The following OTOG variants were observed in gnomAD, a reference collection of about 807,000 sequenced individuals.
OTOG encodes otogelin.
Under a neutral mutation model 313.8 loss-of-function variants are expected in OTOG, and 296 were observed. The observed-to-expected ratio is 0.94, with a 90% CI of 0.86 to 1.04. The LOEUF is 1.04. Among genes scored for constraint, OTOG ranks in the 50% least tolerant of loss-of-function variants. The probability of loss-of-function intolerance (pLI) is 0.00; values close to 1 mark genes in which losing one functional copy is unlikely to be tolerated. For synonymous variants in OTOG, 1,533 were observed against 1,554.9 expected (o/e 0.99, Z 0.33); for missense variants, 3,948 against 3,840.1 (o/e 1.03, Z -0.74).
chr11:17,563,106 TG>T (rs1489743836), intron 15 of OTOG, among the ~76,000 whole-genome samples: 2 of 152,194 alleles, frequency 1.3e-5, no homozygotes, highest in African/African-American at 4.8e-5. Flanking sequence ...CCTTGAACTG[TG>T]TCAATCACCT....
At chr11:17,571,373 G>A (rs1218374762) in intron 17 of OTOG, among the ~76,000 whole-genome samples, 3 of 152,170 alleles carry the variant, frequency 2.0e-5, no homozygotes, top group Admixed American at 2.0e-4. Context: ...GTTGGGCATG[G>A]TGGGTGCCAG....
intron 39 of OTOG, among the ~76,000 whole-genome samples, chr11:17,621,463 G>A (rs755420899): frequency 1.3e-5 from 2 of 152,066 alleles, no homozygotes; most frequent in African/African-American, 2.4e-5. Context: ...GGATTTTTCT[G>A]TCTGTTTCTC....
At chr11:17,628,351 A>G (rs1165112084) in intron 39 of OTOG, among the ~76,000 whole-genome samples, 2 of 152,120 alleles carry the variant, frequency 1.3e-5, no homozygotes, top group Non-Finnish European at 2.9e-5. Flanking sequence ...AAAACAGTCT[A>G]ATCTTGAAGG....
At chr11:17,557,018 G>A (rs1379388341) in intron 7 of OTOG, 100 bp from the exon 8 acceptor site, 4 of 1,116,470 alleles carry the variant, frequency 3.6e-6, no homozygotes, top group African/African-American at 1.6e-5. Context: ...GGAAGTGGGG[G>A]CCTTGGATCA....
At chr11:17,587,270 CG>C (rs1428409971) in intron 24 of OTOG, among the ~76,000 whole-genome samples, 2 of 152,148 alleles carry the variant, frequency 1.3e-5, no homozygotes, top group Admixed American at 1.3e-4. Context: ...GAAACAGACT[CG>C]GGGTTAGTTC....
chr11:17,571,953 A>G, intron 17 of OTOG, 127 bp from the exon 18 acceptor site: 1 of 1,266,238 alleles, frequency 7.9e-7, no homozygotes, highest in Non-Finnish European at 1.1e-6. Context: ...GAGTGTGTGT[A>G]TATGGATGTG....
At chr11:17,549,459 C>G (rs971918600) in intron 3 of OTOG, among the ~76,000 whole-genome samples, 8 of 152,192 alleles carry the variant, frequency 5.3e-5, no homozygotes, top group African/African-American at 1.9e-4. Flanking sequence ...TCTTCTTTGC[C>G]CACACTTCCA....
rs1422479015 is a variant in OTOG, at chr11:17,593,258, C to T, written c.3072C>T (p.Ile1024=). ...ENVNCYSSGM[I]CRKFISINVG... ...TGAACTGCTACAGCTCTGGCATGATCTGCAGGAAATTTATTTCCATCAACG... is the reference window on the plus strand; with the variant it reads ...TGAACTGCTACAGCTCTGGCATGATTTGCAGGAAATTTATTTCCATCAACG... The change falls in exon 26 of 56, where the codon ATC becomes ATT. Residue 1024 remains isoleucine (I), a synonymous_variant. Coordinates refer to ENST00000399397, the MANE Select transcript of OTOG (RefSeq NM_001292063.2). 1 of 1,550,276 alleles carries T rather than the reference C, an allele frequency of 6.5e-7. No individual in the cohort carries two copies. Among genetic ancestry groups the T allele is most frequent in the Non-Finnish European group, 8.7e-7 (1 of 1,146,668 alleles).
In OTOG at chr11:17,548,153, A is replaced by G; in HGVS notation, c.157A>G (p.Ser53Gly). The G allele has an allele frequency of 6.5e-7, 1 of 1,547,268 alleles. No individual in the cohort carries two copies. The highest frequency in any genetic ancestry group is 1.7e-4 in the Middle Eastern group (1 of 5,978). ...ATGCCAGACTCGTGTTTCCTCCAGCAGCAGCCACCAGGAGGCGACCCTTGC... is the reference window on the plus strand; with the variant it reads ...ATGCCAGACTCGTGTTTCCTCCAGCGGCAGCCACCAGGAGGCGACCCTTGC... ...PQPEPAGQPS[S>G]SHQEATLAMG... The change falls in exon 3 of 56, where the codon AGC becomes GGC. Residue 53 changes from serine (S) to glycine (G), a missense_variant and splice_region_variant. Physicochemically the swap from Ser to Gly is moderately conservative, Grantham distance 56 (BLOSUM62 0). Coordinates refer to ENST00000399397, the MANE Select transcript of OTOG (RefSeq NM_001292063.2).
At chr11:17,642,100 C>T (rs1174973856) in intron 52 of OTOG, 27 bp from the exon 53 acceptor site, 1 of 1,530,014 alleles carries the variant, frequency 6.5e-7, no homozygotes, top group Non-Finnish European at 8.8e-7. Flanking sequence ...GGCCACAGCT[C>T]CCATTACCTA....
intron 30 of OTOG, 46 bp from the exon 31 acceptor site, chr11:17,599,625 A>G: frequency 6.5e-7 from 1 of 1,548,602 alleles, no homozygotes; most frequent in Admixed American, 2.0e-5. Context: ...TGTCTGTTCC[A>G]GGCTCTGGGC....
chr11:17,633,571 G>A, intron 42 of OTOG, 109 bp from the exon 43 acceptor site: 2 of 1,030,882 alleles, frequency 1.9e-6, no homozygotes, highest in Non-Finnish European at 2.7e-6. Flanking sequence ...CTGCTGAGGT[G>A]CTGATGACAC....
intron 23 of OTOG, among the ~76,000 whole-genome samples, chr11:17,584,995 C>T (rs1211499599): frequency 1.3e-5 from 2 of 152,156 alleles, no homozygotes; most frequent in Admixed American, 1.3e-4. Context: ...TGTGGTTTTC[C>T]ATACTTGCAA....
At chr11:17,636,164 G>A (rs1023433836) in intron 47 of OTOG, among the ~76,000 whole-genome samples, 17 of 152,216 alleles carry the variant, frequency 1.1e-4, no homozygotes, top group African/African-American at 3.1e-4. Flanking sequence ...ATAAATAAAA[G>A]TATGCTTTTT....
chr11:17,594,641 A>G (rs1228910838), intron 28 of OTOG, among the ~76,000 whole-genome samples: 1 of 152,206 alleles, frequency 6.6e-6, no homozygotes, highest in Admixed American at 6.5e-5. Context: ...GAAGGGCAAC[A>G]CTAGCAGAGA....
In OTOG at chr11:17,634,057, TC is replaced by T. The variant is rs1429007089; in HGVS notation, c.7268-8del. 3.2e-6 allele frequency: 5 copies of T among 1,539,666 alleles called. No individual in the cohort carries two copies. Among genetic ancestry groups the T allele is most frequent in the Non-Finnish European group, 4.4e-6 (5 of 1,144,512 alleles). ...TCCTCAGTCCCTCGCACCCTGCCAT[TC>T]CCCTCTGCAGCCTGCACTGACAGCA... is the stretch of plus-strand genomic sequence containing the variant. On this transcript the variant is annotated splice_polypyrimidine_tract_variant and intron_variant, in intron 43 of 55. Coordinates refer to ENST00000399397, the MANE Select transcript of OTOG (RefSeq NM_001292063.2).
At position 17,558,545 on chromosome 11, in the gene OTOG, A is replaced by T; in HGVS notation, c.1004A>T (p.Tyr335Phe). The change falls in exon 10 of 56, where the codon TAC (tyrosine) becomes TTC (phenylalanine). Residue 335 changes from tyrosine to phenylalanine, a missense_variant. Tyr to Phe is a conservative substitution (Grantham distance 22). Transcript: ENST00000399397. ...CCTGGTCCCTTGCTCTAGGGCGTGT[A>T]CGAGCAGTGTGAGGCTCTACTGCGG... ...QQNPGTMQGVYEQCEALLRPP... is the reference protein window; with the variant it reads ...QQNPGTMQGVFEQCEALLRPP... The T allele has an allele frequency of 6.4e-7, 1 of 1,550,476 alleles. No individual in the cohort carries two copies. The highest frequency in any genetic ancestry group is 8.7e-7 in the Non-Finnish European group (1 of 1,146,996).
chr11:17,612,926 G>A (rs1231350138), intron 38 of OTOG, among the ~76,000 whole-genome samples, 161 bp downstream of exon 38: 1 of 152,178 alleles, frequency 6.6e-6, no homozygotes, highest in Admixed American at 6.5e-5. Context: ...CCAGGTGATG[G>A]CTCCCTTGGA....
intron 55 of OTOG, 43 bp from the exon 56 acceptor site, chr11:17,645,701 G>A (rs1471971225): frequency 5.2e-6 from 8 of 1,550,700 alleles, no homozygotes; most frequent in Admixed American, 2.0e-5. Context: ...GGGGTTTGGG[G>A]GTGTGAGCAC....
Sources: allele counts gnomAD v4.1 joint callset (sites outside exome capture counted in the v4.1 genomes callset), GRCh38; gene constraint gnomAD v4.1.1; transcripts MANE v1.5; gene names NCBI Gene and HGNC (gene_info 2026-07-23, HGNC 2026-07-21).